DYNC1I1: variants seen among roughly 807,000 people sequenced by gnomAD.
DYNC1I1 encodes cytoplasmic dynein 1 intermediate chain 1.
DYNC1I1 carries 43 observed loss-of-function variants against 86.6 expected under a neutral mutation model. The ratio of observed to expected loss-of-function variants is 0.50; its 90% CI spans 0.39 to 0.64. DYNC1I1 has a LOEUF of 0.64. Ranked by LOEUF, DYNC1I1 falls within the 30% of genes least tolerant of loss-of-function variation. The probability of loss-of-function intolerance (pLI) is 0.00; values close to 1 mark genes in which losing one functional copy is unlikely to be tolerated. For synonymous variants in DYNC1I1, 262 were observed against 283.7 expected (o/e 0.92, Z 0.77); for missense variants, 604 against 788.8 (o/e 0.77, Z 2.81).
At chr7:95,935,666 T>C (rs1386596966) in intron 6 of DYNC1I1, among the ~76,000 whole-genome samples, 1 of 151,980 alleles carries the variant, frequency 6.6e-6, no homozygotes, top group African/African-American at 2.4e-5. Context: ...AAAAGCAACC[T>C]AAAGATTGAG....
chr7:95,840,862 A>G (rs1458574590), intron 5 of DYNC1I1, among the ~76,000 whole-genome samples: 1 of 152,204 alleles, frequency 6.6e-6, no homozygotes, highest in African/African-American at 2.4e-5. Flanking sequence ...TAGCAGTTGG[A>G]ATAAATGATG....
At chr7:96,110,137 A>T (rs1043522805), downstream of DYNC1I1, 1 of 418,812 alleles carries the variant, frequency 2.4e-6, no homozygotes, top group Non-Finnish European at 4.7e-6. Flanking sequence ...AAAATCTGGA[A>T]GTATAATTGT....
In DYNC1I1 at chr7:95,791,741, CAG is replaced by C. The variant is rs547258307; in HGVS notation, c.-9-12976_-9-12975del. 5.9e-3 allele frequency among the ~76,000 whole-genome samples: 897 copies of C among 152,130 alleles called. 6 individuals are homozygous for C. The highest frequency in any genetic ancestry group is 0.036 in the South Asian group (173 of 4,814). On this transcript the variant is annotated intron_variant, in intron 1 of 16. Transcript: ENST00000447467. ...AAATCATCCTTTTAGAGTCGGAAAA[CAG>C]AGATTAAAAATGTAAATCAGGCAGG...
chr7:96,068,404 A>G (rs7812237), intron 14 of DYNC1I1, among the ~76,000 whole-genome samples: 31 of 152,360 alleles, frequency 2.0e-4, no homozygotes, highest in African/African-American at 7.5e-4. Context: ...TGTAAAATAC[A>G]TAACATTTAA....
At chr7:95,909,146 A>G (rs1352903615) in intron 6 of DYNC1I1, among the ~76,000 whole-genome samples, 1 of 146,788 alleles carries the variant, frequency 6.8e-6, no homozygotes, top group Non-Finnish European at 1.5e-5. Context: ...ACAAAAGTTC[A>G]TGGGGAGGAG....
At chr7:95,893,368 G>A (rs1423022581) in intron 6 of DYNC1I1, among the ~76,000 whole-genome samples, 2 of 152,150 alleles carry the variant, frequency 1.3e-5, no homozygotes, top group Non-Finnish European at 2.9e-5. Flanking sequence ...ATCAGAGAAG[G>A]GAAGGACAGG....
chr7:95,856,808 A>ATC (rs1431138315), intron 5 of DYNC1I1, among the ~76,000 whole-genome samples: 4 of 151,968 alleles, frequency 2.6e-5, no homozygotes, highest in African/African-American at 9.7e-5. Context: ...GTGAAACCCC[A>ATC]TCTCTACTAA....
Position 96,098,172 on chromosome 7 carries a change from T to C in DYNC1I1, c.*579T>C. The stretch of plus-strand genomic sequence containing the variant: ...TGTGCATAATGAGAGGACTGTATTC[T>C]CTCTGCTGCTGTTGAGGTTATATTA... On this transcript the variant is annotated 3_prime_UTR_variant, in exon 17 of 17. Coordinates refer to ENST00000447467, the MANE Select transcript of DYNC1I1 (RefSeq NM_001135556.2). 2 of 985,936 alleles carry C rather than the reference T, an allele frequency of 2.0e-6. No individual in the cohort carries two copies. Among genetic ancestry groups the C allele is most frequent in the Non-Finnish European group, 2.4e-6 (2 of 829,968 alleles). 61.1% of individuals were successfully genotyped at this position (985,936 alleles called of 1,614,324 possible).
intron 14 of DYNC1I1, among the ~76,000 whole-genome samples, chr7:96,052,377 A>G (rs1284760303): frequency 1.3e-5 from 2 of 152,152 alleles, no homozygotes; most frequent in East Asian, 3.9e-4. Flanking sequence ...AAGGGCATTC[A>G]AGCAGAATGA....
At chr7:95,808,412 A>G (rs980657610) in intron 2 of DYNC1I1, among the ~76,000 whole-genome samples, 1 of 152,148 alleles carries the variant, frequency 6.6e-6, no homozygotes, top group African/African-American at 2.4e-5. Context: ...ATATTGTGTA[A>G]AAATTACCAC....
At chr7:95,896,933 G>T (rs1052572622) in intron 6 of DYNC1I1, among the ~76,000 whole-genome samples, 2 of 152,198 alleles carry the variant, frequency 1.3e-5, no homozygotes, top group Non-Finnish European at 2.9e-5. Flanking sequence ...AACACTGCTA[G>T]ACTGAGAACA....
At chr7:95,852,115 G>T (rs954721762) in intron 5 of DYNC1I1, among the ~76,000 whole-genome samples, 3 of 152,250 alleles carry the variant, frequency 2.0e-5, no homozygotes, top group African/African-American at 7.2e-5. Flanking sequence ...TTACAATTCA[G>T]CAGTGAAAGT....
At position 96,003,001 on chromosome 7, in the gene DYNC1I1, G is replaced by A. The variant is rs146116921; in HGVS notation, c.969+6928G>A. On this transcript the variant is annotated intron_variant, in intron 10 of 16. Transcript: ENST00000447467. ...TGGGATTACAGGCGCACACCACCAC[G>A]CCCAGCAAAGTTTTGTATTTTTTGG... Among the ~76,000 whole-genome samples, 52 of 151,812 alleles carry A rather than the reference G, an allele frequency of 3.4e-4. No homozygotes were observed. The East Asian group carries it at 8.5e-3, about 25-fold the overall frequency.
intron 1 of DYNC1I1, among the ~76,000 whole-genome samples, chr7:95,774,079 T>A (rs143272633): frequency 6.6e-6 from 1 of 151,798 alleles, no homozygotes; most frequent in Non-Finnish European, 1.5e-5. Flanking sequence ...CACCTGCCAC[T>A]GAGTTACCAC....
chr7:95,970,501 T>A (rs951558787), intron 6 of DYNC1I1, among the ~76,000 whole-genome samples: 2 of 152,134 alleles, frequency 1.3e-5, no homozygotes, highest in Admixed American at 6.5e-5. Context: ...AAGAGAGAAG[T>A]GTGGCTTTAA....
At chr7:95,779,706 G>C (rs527537681) in intron 1 of DYNC1I1, among the ~76,000 whole-genome samples, 8 of 152,142 alleles carry the variant, frequency 5.3e-5, no homozygotes, top group South Asian at 4.1e-4. Flanking sequence ...ACAAGCTTTT[G>C]TTGACCTGAA....
intron 6 of DYNC1I1, among the ~76,000 whole-genome samples, chr7:95,897,774 C>T (rs967913861): frequency 1.4e-5 from 2 of 146,934 alleles, no homozygotes; most frequent in African/African-American, 2.5e-5. Context: ...CTTTCAGTAG[C>T]GTGTCATTTT....
chr7:96,098,436 G>C, downstream of DYNC1I1: 1 of 984,786 alleles, frequency 1.0e-6, no homozygotes, highest in Non-Finnish European at 1.2e-6. Flanking sequence ...GTCTGCACCA[G>C]TGTGAGTAAA....
chr7:95,785,883 A>G (rs1285275179), intron 1 of DYNC1I1, among the ~76,000 whole-genome samples: 1 of 148,874 alleles, frequency 6.7e-6, no homozygotes, highest in African/African-American at 2.5e-5. Context: ...TCTCACCCTG[A>G]ATGCATATCT....
Sources: gnomAD v4.1 joint callset for allele counts (sites outside exome capture counted in the v4.1 genomes callset) on GRCh38, gnomAD v4.1.1 for gene constraint, MANE v1.5 for transcripts, NCBI Gene and HGNC (gene_info 2026-07-23, HGNC 2026-07-21) for gene names.